The following CCNA2 variants were observed in gnomAD, a reference collection of about 807,000 sequenced individuals.
The protein encoded by CCNA2 is cyclin A2, also known as cyclin-A2.
A neutral mutation model predicts 49.4 loss-of-function variants in CCNA2; 3 were observed. That is an observed-to-expected ratio of 0.06 (90% CI 0.03 to 0.16). The LOEUF is 0.16. CCNA2 is among the 10% of genes least tolerant of loss of function. The probability of loss-of-function intolerance (pLI) is 1.00; values close to 1 mark genes in which losing one functional copy is unlikely to be tolerated. For synonymous variants in CCNA2, 206 were observed against 197.2 expected, an observed-to-expected ratio of 1.04 and a Z score of -0.37; for missense variants, 372 against 519.7, an observed-to-expected ratio of 0.72 and a Z score of 2.76.
rs754563638 is a variant in CCNA2 at position 121,818,028 on chromosome 4, CCAAGTTAATT to C, written c.1250+6_1250+15del. 7 of 1,603,650 alleles carry C rather than the reference CCAAGTTAATT, an allele frequency of 4.4e-6. No individual in the cohort carries two copies. In the Admixed American group the frequency reaches 6.9e-5, roughly 16 times the overall value. On this transcript the variant is annotated splice_donor_region_variant and intron_variant, in intron 7 of 7. Coordinates refer to ENST00000274026, the MANE Select transcript of CCNA2 (RefSeq NM_001237.5). ...AATCTAGAAAAGTAAGCTTCAATAT[CCAAGTTAATT>C]CTTACTTTGAATTTTTGTACTTTTC... is the stretch of plus-strand genomic sequence containing the variant.
chr4:121,817,480 A>T lies in CCNA2; in HGVS notation c.*158T>A. The stretch of plus-strand genomic sequence containing the variant: ...ACAGATACATATACAAAAGATATAC[A>T]AATTAAAACCATTTAAAAAGTAATA... On this transcript the variant is annotated 3_prime_UTR_variant, in exon 8 of 8. Transcript: ENST00000274026. 1 of 807,280 alleles carries T rather than the reference A, an allele frequency of 1.2e-6. No individual in the cohort carries two copies. Among genetic ancestry groups the T allele is most frequent in the Non-Finnish European group, 1.9e-6 (1 of 537,364 alleles). The allele number at this position is 807,280 out of a possible 1,614,324, so 50.0% of individuals were successfully genotyped here.
chr4:121,816,842 A>G lies in CCNA2; in HGVS notation c.*796T>C. 1 of 1,591,052 alleles carries G rather than the reference A, an allele frequency of 6.3e-7. No individual in the cohort carries two copies. Among genetic ancestry groups the G allele is most frequent in the African/African-American group, 1.4e-5 (1 of 73,812 alleles). ...GCCAGTGAAAAGAAGAAAAAAGAAG[A>G]GAGCTGCCAATTAAAGCTAACAGTT... is the stretch of plus-strand genomic sequence containing the variant. On this transcript the variant is annotated 3_prime_UTR_variant, in exon 8 of 8. Transcript: ENST00000274026.
Position 121,823,850 on chromosome 4 carries a change from C to T in CCNA2, c.-222G>A. The T allele has an allele frequency of 1.3e-6, 1 of 749,340 alleles. No individual in the cohort carries two copies. The highest frequency in any genetic ancestry group is 2.0e-6 in the Non-Finnish European group (1 of 499,404). 46.4% of individuals were successfully genotyped at this position (749,340 alleles called of 1,614,324 possible). On this transcript the variant is annotated 5_prime_UTR_variant, in exon 1 of 8. Coordinates refer to ENST00000274026, the MANE Select transcript of CCNA2 (RefSeq NM_001237.5). ...GCAGGCACTGCCCAGCGTGGCGAGC[C>T]AAAGACGCCCAGAGATGCAGCGAGC...
Position 121,817,550 on chromosome 4 carries a change from G to A in CCNA2, c.*88C>T, listed in dbSNP as rs1163401184. 2 of 1,513,394 alleles carry A rather than the reference G, an allele frequency of 1.3e-6. No homozygotes were observed. Among genetic ancestry groups the A allele is most frequent in the African/African-American group, 2.8e-5 (2 of 71,992 alleles). 93.7% of individuals were successfully genotyped at this position (1,513,394 alleles called of 1,614,324 possible). On this transcript the variant is annotated 3_prime_UTR_variant, in exon 8 of 8. Transcript: ENST00000274026. The stretch of plus-strand genomic sequence containing the variant: ...GGCCACAACTTCTGTATTCAGAAAT[G>A]ATTGTAAAATTAAAACCTAAGTTAA...
chr4:121,822,521 C>A lies in CCNA2; in HGVS notation c.339G>T (p.Lys113Asn). The A allele has an allele frequency of 6.2e-7, 1 of 1,614,126 alleles. No homozygotes were observed. The highest frequency in any genetic ancestry group is 8.5e-7 in the Non-Finnish European group (1 of 1,180,034). The change falls in exon 2 of 8, where the codon AAG becomes AAT. Residue 113 changes from lysine (K) to asparagine (N), a missense_variant. Lys to Asn is a moderately conservative substitution (Grantham distance 94). Coordinates refer to ENST00000274026, the MANE Select transcript of CCNA2 (RefSeq NM_001237.5). ...GCTCTATTTTTTGAGATTCAGCTGG[C>A]TTCTTCTGAGCTTCTTTTTCTGCTT... ...VDEAEKEAQK[K>N]PAESQKIERE...
At position 121,817,698 on chromosome 4, in the gene CCNA2, G is replaced by GA. The variant is rs370571856; in HGVS notation, c.1251-13dup. 2,336 of 1,597,542 alleles carry GA rather than the reference G, an allele frequency of 1.5e-3. 9 individuals are homozygous for GA. Among genetic ancestry groups the GA allele is most frequent in the South Asian group, 3.6e-3 (318 of 89,510 alleles). On this transcript the variant is annotated splice_polypyrimidine_tract_variant and intron_variant, in intron 7 of 7. Transcript: ENST00000274026. ...AAACACCATGATACCTGTAAGTAGG[G>GA]AAAAAAAAAGCATTTTTAGTAAACA...
At position 121,823,877 on chromosome 4, in the gene CCNA2, G is replaced by T; in HGVS notation, c.-249C>A. The stretch of plus-strand genomic sequence containing the variant: ...AAGACGCCCAGAGATGCAGCGAGCA[G>T]CCCGCCGGAGCGGCGGCTGTTCTTG... On this transcript the variant is annotated 5_prime_UTR_variant, in exon 1 of 8. It adds an upstream start codon to the 5' untranslated region. Coordinates refer to ENST00000274026, the MANE Select transcript of CCNA2 (RefSeq NM_001237.5). The T allele has an allele frequency of 1.7e-6, 1 of 586,864 alleles. No individual in the cohort carries two copies. The highest frequency in any genetic ancestry group is 2.8e-6 in the Non-Finnish European group (1 of 355,828). 36.4% of individuals were successfully genotyped at this position (586,864 alleles called of 1,614,324 possible).
At chr4:121,822,267 T>C in intron 2 of CCNA2, 136 bp downstream of exon 2, 1 of 848,442 alleles carries the variant, frequency 1.2e-6, no homozygotes, top group South Asian at 1.9e-5. Context: ...AGTCACATCC[T>C]TTCTAAGCCT....
intron 2 of CCNA2, among the ~76,000 whole-genome samples, chr4:121,821,299 G>C (rs62322624): frequency 7.1e-6 from 1 of 141,110 alleles, no homozygotes; most frequent in East Asian, 2.0e-4. Context: ...TAGTTAATGA[G>C]GGAAAAAAAA....
In CCNA2 at chr4:121,823,512, C is replaced by T; in HGVS notation, c.117G>A (p.Ala39=). ...CCCGGGTCCGCGGTTGTTGGACGGG[C>T]GCTGCCTTTTCCGGGTTGATATTCT... is the stretch of plus-strand genomic sequence containing the variant. ...DQENINPEKA[A]PVQQPRTRAA... The change falls in exon 1 of 8, where the codon GCG becomes GCA. Residue 39 remains alanine, a synonymous_variant. Transcript: ENST00000274026. 6.2e-7 allele frequency: 1 copy of T among 1,613,206 alleles called. No homozygotes were observed. Among genetic ancestry groups the T allele is most frequent in the Middle Eastern group, 1.6e-4 (1 of 6,062 alleles).
chr4:121,818,782 G>T lies in CCNA2; in HGVS notation c.1116+18C>A. The T allele has an allele frequency of 2.8e-6, 4 of 1,448,400 alleles. No individual in the cohort carries two copies. Among genetic ancestry groups the T allele is most frequent in the Non-Finnish European group, 3.9e-6 (4 of 1,029,032 alleles). The allele number at this position is 1,448,400 out of a possible 1,614,324, so 89.7% of individuals were successfully genotyped here. ...CATTTCAGTCACAAGATAGGTGTGTGAAGACCGTAATACATACCCAGCTTT... is the reference window on the plus strand; with the variant it reads ...CATTTCAGTCACAAGATAGGTGTGTTAAGACCGTAATACATACCCAGCTTT... On this transcript the variant is annotated intron_variant, in intron 6 of 7. Coordinates refer to ENST00000274026, the MANE Select transcript of CCNA2 (RefSeq NM_001237.5).
In CCNA2 at chr4:121,818,172, T is replaced by C. The variant is rs895055420; in HGVS notation, c.1122A>G (p.Glu374=). 6.2e-7 allele frequency: 1 copy of C among 1,613,118 alleles called. No individual in the cohort carries two copies. The highest frequency in any genetic ancestry group is 8.5e-7 in the Non-Finnish European group (1 of 1,179,640). ...LYTVTGQSWP[E]SLIRKTGYTL... is the part of the protein sequence containing the mutation. Reference sequence around the variant, plus strand: ...TATATCCAGTCTTTCGTATTAATGATTCAGGCTACAGAGAAGGGAATAGAG... The same window carrying C: ...TATATCCAGTCTTTCGTATTAATGACTCAGGCTACAGAGAAGGGAATAGAG... The change falls in exon 7 of 8, where the codon GAA becomes GAG. Residue 374 remains glutamate (E), a synonymous_variant. Transcript: ENST00000274026.
At chr4:121,823,360 G>A (rs913784546) in intron 1 of CCNA2, 56 bp downstream of exon 1, 91 of 1,535,442 alleles carry the variant, frequency 5.9e-5, no homozygotes, top group Non-Finnish European at 7.5e-5. Flanking sequence ...TGCCTGCTAA[G>A]CCAATGCCAA....
In CCNA2 at chr4:121,820,362, T is replaced by C. The variant is rs1022069731; in HGVS notation, c.794+180A>G. On this transcript the variant is annotated intron_variant, in intron 4 of 7. Transcript: ENST00000274026. This position sits in a 1 kb window ranked among gnomAD's most constrained non-coding sequence, Gnocchi z 4.1. Reference sequence around the variant, plus strand: ...TCAAGGAATCCAGTTGGGGGAAAATTAGTGTTCTAGATTAGAACAGTTTCA... The same window carrying C: ...TCAAGGAATCCAGTTGGGGGAAAATCAGTGTTCTAGATTAGAACAGTTTCA... Among the ~76,000 whole-genome samples the C allele has an allele frequency of 6.6e-6, 1 of 152,186 alleles. No individual in the cohort carries two copies. The highest frequency in any genetic ancestry group is 1.5e-5 in the Non-Finnish European group (1 of 68,030).
Position 121,820,472 on chromosome 4 carries a change from A to G in CCNA2, c.794+70T>C. The G allele has an allele frequency of 8.9e-7, 1 of 1,127,596 alleles. No homozygotes were observed. The highest frequency in any genetic ancestry group is 1.3e-6 in the Non-Finnish European group (1 of 768,712). The allele number at this position is 1,127,596 out of a possible 1,614,324, so 69.8% of individuals were successfully genotyped here. A position where few individuals can be genotyped will look rare whatever the true frequency, so the allele number is the denominator to read the frequency against. On this transcript the variant is annotated intron_variant, in intron 4 of 7. Transcript: ENST00000274026. The surrounding 1 kb of genome is among the most constrained non-coding windows in gnomAD (Gnocchi z 4.1). ...GCCTGGTGTATGTTAAAAGGTCACC[A>G]TTAAAAAAATCAATTTCTTCCCTAG...
intron 5 of CCNA2, 32 bp from the exon 6 acceptor site, chr4:121,818,945 G>C: frequency 7.2e-7 from 1 of 1,392,158 alleles, no homozygotes; most frequent in Non-Finnish European, 1.0e-6. Flanking sequence ...GATCACAAGA[G>C]CGTTTAGAAT....
chr4:121,822,152 T>C (rs1724705058), intron 2 of CCNA2, among the ~76,000 whole-genome samples: 1 of 152,232 alleles, frequency 6.6e-6, no homozygotes, highest in Non-Finnish European at 1.5e-5. Flanking sequence ...ATTTAAGATC[T>C]AATTATAATT....
chr4:121,822,487 C>A lies in CCNA2; in HGVS notation c.373G>T (p.Ala125Ser). 6.2e-7 allele frequency: 1 copy of A among 1,614,140 alleles called. No individual in the cohort carries two copies. The highest frequency in any genetic ancestry group is 8.5e-7 in the Non-Finnish European group (1 of 1,180,014). Residue 125 changes from alanine to serine, a missense_variant, in exon 2 of 8, where the codon GCC (alanine) becomes TCC (serine). Physicochemically the swap from Ala to Ser is moderately conservative, Grantham distance 99. Around this residue, in one of 2 missense-constraint regions of CCNA2, gnomAD observed 217 missense variants for 231.7 expected, o/e 0.94. Transcript: ENST00000274026. The part of the protein sequence containing the change: ...AESQKIERED[A>S]LAFNSAISLP... The stretch of plus-strand genomic sequence containing the variant: ...CTAATGGCTGAATTAAAAGCCAGGG[C>A]ATCTTCACGCTCTATTTTTTGAGAT...
intron 1 of CCNA2, 139 bp downstream of exon 1, chr4:121,823,277 A>G: frequency 1.9e-6 from 2 of 1,065,248 alleles, no homozygotes; most frequent in Non-Finnish European, 2.6e-6. Flanking sequence ...CAAACCACAC[A>G]CCAGCACCAA....
Sources: allele counts gnomAD v4.1 joint callset (sites outside exome capture counted in the v4.1 genomes callset), GRCh38; gene constraint gnomAD v4.1.1; regional missense constraint gnomAD v4.1.1; non-coding constraint Gnocchi (gnomAD v3.1); transcripts MANE v1.5; gene names NCBI Gene and HGNC (gene_info 2026-07-23, HGNC 2026-07-21).